BTBD9: variants seen among roughly 807,000 people sequenced by gnomAD.
BTBD9 encodes BTB/POZ domain-containing protein 9.
Under a neutral mutation model 64.3 loss-of-function variants are expected in BTBD9, and 49 were observed. The observed-to-expected ratio is 0.76, with a 90% CI of 0.61 to 0.97. BTBD9 has a LOEUF of 0.97. BTBD9 is among the 50% of genes least tolerant of loss of function. The pLI is 0.00. For missense variants in BTBD9, 598 were observed against 762.1 expected (o/e 0.78, Z 2.53); for synonymous variants, 260 against 274.7 (o/e 0.95, Z 0.53).
intron 9 of BTBD9, among the ~76,000 whole-genome samples, chr6:38,239,947 C>G (rs1402853240): frequency 6.6e-6 from 1 of 152,180 alleles, no homozygotes; most frequent in Non-Finnish European, 1.5e-5. Context: ...GGCACTGGCA[C>G]AGGAGTGCAA....
intron 6 of BTBD9, among the ~76,000 whole-genome samples, chr6:38,398,903 A>C (rs1766810146): frequency 6.6e-6 from 1 of 152,142 alleles, no homozygotes; most frequent in Non-Finnish European, 1.5e-5. Context: ...TTGCCATCAC[A>C]CTACTTTCAT....
In BTBD9 at chr6:38,192,579, A is replaced by G; in HGVS notation, c.1581T>C (p.Thr527=). The G allele has an allele frequency of 6.2e-7, 1 of 1,613,802 alleles. No homozygotes were observed. The highest frequency in any genetic ancestry group is 8.5e-7 in the Non-Finnish European group (1 of 1,179,872). The change falls in exon 10 of 11, where the codon ACT becomes ACC. Residue 527 remains threonine (T), a synonymous_variant. Coordinates refer to ENST00000481247, the MANE Select transcript of BTBD9 (RefSeq NM_001099272.2). ...KVSCKSWQSV[T]FERQPASFIR... ...TGAAGGAGGCAGGCTGCCTTTCAAAAGTTACTGACTGCCAGGACCTGTGAG... is the reference window on the plus strand; with the variant it reads ...TGAAGGAGGCAGGCTGCCTTTCAAAGGTTACTGACTGCCAGGACCTGTGAG...
At chr6:38,232,747 C>A (rs1035831971) in intron 9 of BTBD9, among the ~76,000 whole-genome samples, 1 of 151,856 alleles carries the variant, frequency 6.6e-6, no homozygotes, top group Non-Finnish European at 1.5e-5. Context: ...GATCTTCCCA[C>A]CTCAGCCTCC....
intron 6 of BTBD9, among the ~76,000 whole-genome samples, chr6:38,417,566 G>A (rs1316971509): frequency 6.6e-6 from 1 of 152,070 alleles, no homozygotes; most frequent in Non-Finnish European, 1.5e-5. Flanking sequence ...TTGAGTCTGC[G>A]ACTTTGATAC....
At chr6:38,508,239 A>C (rs1365380159) in intron 6 of BTBD9, among the ~76,000 whole-genome samples, 2 of 151,936 alleles carry the variant, frequency 1.3e-5, no homozygotes, top group Admixed American at 1.3e-4. Flanking sequence ...CTACCAACTC[A>C]ATATATTTAA....
intron 6 of BTBD9, among the ~76,000 whole-genome samples, chr6:38,549,598 T>C (rs1003144411): frequency 6.6e-6 from 1 of 151,424 alleles, no homozygotes; most frequent in Non-Finnish European, 1.5e-5. Flanking sequence ...AAAAAAAAAA[T>C]CTTAGTGGTA....
intron 6 of BTBD9, among the ~76,000 whole-genome samples, chr6:38,394,670 A>G (rs1411118722): frequency 6.6e-6 from 1 of 152,124 alleles, no homozygotes. Context: ...AGGGGGGAAA[A>G]AAAAAAACAT....
chr6:38,476,763 C>T (rs1356610193), intron 6 of BTBD9, among the ~76,000 whole-genome samples: 1 of 152,202 alleles, frequency 6.6e-6, no homozygotes, highest in Non-Finnish European at 1.5e-5. Flanking sequence ...ATGACAGCTT[C>T]AGAATAGAGA....
At chr6:38,502,019 C>G (rs1169173528) in intron 6 of BTBD9, among the ~76,000 whole-genome samples, 1 of 152,160 alleles carries the variant, frequency 6.6e-6, no homozygotes, top group Non-Finnish European at 1.5e-5. Context: ...TTGAGAACTA[C>G]TGGTATAGAG....
chr6:38,462,930 T>C (rs1014769514), intron 6 of BTBD9, among the ~76,000 whole-genome samples: 2 of 152,132 alleles, frequency 1.3e-5, no homozygotes, highest in African/African-American at 2.4e-5. Flanking sequence ...TCCTGAGCAG[T>C]TGGGACTACA....
rs116888953 is a variant in BTBD9 at position 38,327,240 on chromosome 6, C to T, written c.1264+17744G>A. On this transcript the variant is annotated intron_variant, in intron 7 of 10. Transcript: ENST00000481247. ...AACACACCCATCTTCACAATATTAA[C>T]GAGCCAATAAATTTAAAGAGATTGC... Among the ~76,000 whole-genome samples the T allele has an allele frequency of 8.6e-4, 131 of 152,238 alleles. 3 individuals are homozygous for T. The East Asian group carries it at 0.013, about 15-fold the overall frequency.
chr6:38,525,387 C>T (rs555340474), intron 6 of BTBD9, among the ~76,000 whole-genome samples: 8 of 152,256 alleles, frequency 5.3e-5, no homozygotes, highest in Admixed American at 3.3e-4. Flanking sequence ...TAAAAATTAC[C>T]CGGTCTCAGG....
intron 6 of BTBD9, among the ~76,000 whole-genome samples, chr6:38,363,146 T>C (rs994214732): frequency 6.6e-6 from 1 of 152,162 alleles, no homozygotes; most frequent in Admixed American, 6.5e-5. Flanking sequence ...TGGAGTACAG[T>C]GGTGTGATCA....
At chr6:38,507,739 A>G (rs1163081055) in intron 6 of BTBD9, among the ~76,000 whole-genome samples, 6 of 151,916 alleles carry the variant, frequency 3.9e-5, no homozygotes. Context: ...TAAGGATTCC[A>G]TCCTAGACCT....
chr6:38,427,981 G>A lies in BTBD9; in HGVS notation c.1155-82888C>T, dbSNP rs1043490836. ...GCTCCTGGGCACTAGAAGTGTTAAT[G>A]TTCAACATTTGCATAAGTCAAGGTA... On this transcript the variant is annotated intron_variant, in intron 6 of 10. Coordinates refer to ENST00000481247, the MANE Select transcript of BTBD9 (RefSeq NM_001099272.2). 2.2e-4 allele frequency among the ~76,000 whole-genome samples: 34 copies of A among 151,926 alleles called. 2 individuals carry two copies. The highest frequency in any genetic ancestry group is 7.3e-4 in the African/African-American group (30 of 41,190).
chr6:38,197,117 T>C (rs1418200990), intron 9 of BTBD9, among the ~76,000 whole-genome samples: 2 of 152,168 alleles, frequency 1.3e-5, no homozygotes, highest in Non-Finnish European at 2.9e-5. Context: ...AGGTTTGTCA[T>C]CCTAAAAGAC....
At chr6:38,607,775 A>AT (rs1015999062) in intron 1 of BTBD9, among the ~76,000 whole-genome samples, 2 of 151,732 alleles carry the variant, frequency 1.3e-5, no homozygotes, top group African/African-American at 4.9e-5. Context: ...AAGGCAAAAA[A>AT]AAAAAGGCTC....
rs571329344 is a variant in BTBD9 at position 38,327,776 on chromosome 6, T to C, written c.1264+17208A>G. Among the ~76,000 whole-genome samples the C allele has an allele frequency of 6.6e-5, 10 of 152,344 alleles. No homozygotes were observed. The South Asian group carries it at 2.1e-3, about 32-fold the overall frequency. ...ACAGATTAGTTTGCATTACTTAGAATTGTACATAAATAGAATCACACAGTA... is the reference window on the plus strand; with the variant it reads ...ACAGATTAGTTTGCATTACTTAGAACTGTACATAAATAGAATCACACAGTA... On this transcript the variant is annotated intron_variant, in intron 7 of 10. Coordinates refer to ENST00000481247, the MANE Select transcript of BTBD9 (RefSeq NM_001099272.2).
intron 6 of BTBD9, among the ~76,000 whole-genome samples, chr6:38,496,863 T>C (rs1313704344): frequency 6.6e-6 from 1 of 152,184 alleles, no homozygotes; most frequent in African/African-American, 2.4e-5. Flanking sequence ...CCATCATGCC[T>C]TCCCTTGCTA....
Sources: gnomAD v4.1 joint callset for allele counts (sites outside exome capture counted in the v4.1 genomes callset) on GRCh38, gnomAD v4.1.1 for gene constraint, MANE v1.5 for transcripts, NCBI Gene and HGNC (gene_info 2026-07-23, HGNC 2026-07-21) for gene names.